ASCC1: variants seen among roughly 807,000 people sequenced by gnomAD.
ASCC1 encodes the protein ASC-1 complex subunit P50.
Under a neutral mutation model 46.6 loss-of-function variants are expected in ASCC1, and 35 were observed. The observed-to-expected ratio is 0.75, with a 90% confidence interval of 0.57 to 0.99. ASCC1 has a LOEUF of 0.99. Among genes scored for constraint, ASCC1 ranks in the 50% least tolerant of loss-of-function variants. The pLI, the probability that ASCC1 is intolerant of heterozygous loss-of-function variation, is 0.00. For missense variants in ASCC1, 376 were observed against 428.7 expected (o/e 0.88, Z 1.09); for synonymous variants, 143 against 146.6 (o/e 0.98, Z 0.18).
chr10:72,169,949 G>A (rs555482188), intron 5 of ASCC1, among the ~76,000 whole-genome samples: 2 of 152,072 alleles, frequency 1.3e-5, no homozygotes, highest in Admixed American at 6.6e-5. Flanking sequence ...GTGAAACCCC[G>A]TCTCTACTAA....
At position 72,197,464 on chromosome 10, in the gene ASCC1, T is replaced by C. The variant is rs183870306; in HGVS notation, c.311-475A>G. ...GCCTGGGCAATAGAGCAAGACTCTA[T>C]CTCAAAAAAAAAAAAAAAAAAAAAA... On this transcript the variant is annotated intron_variant, in intron 4 of 9. Transcript: ENST00000672957. Among the ~76,000 whole-genome samples, 563 of 57,432 alleles carry C rather than the reference T, an allele frequency of 9.8e-3. 2 individuals carry two copies. The highest frequency in any genetic ancestry group is 0.056 in the Middle Eastern group (3 of 54). The allele number at this position is 57,432 out of a possible 152,430, so 37.7% of individuals were successfully genotyped here.
intron 5 of ASCC1, among the ~76,000 whole-genome samples, chr10:72,175,463 T>C (rs942222070): frequency 1.3e-4 from 20 of 152,212 alleles, no homozygotes; most frequent in Non-Finnish European, 2.6e-4. Context: ...AAAGCTGACT[T>C]TGATTTGCAA....
At chr10:72,105,945 C>T (rs534737850) in intron 9 of ASCC1, among the ~76,000 whole-genome samples, 5 of 152,142 alleles carry the variant, frequency 3.3e-5, no homozygotes, top group African/African-American at 9.6e-5. Context: ...GGAGAGGGGC[C>T]TTTTCTTATA....
chr10:72,184,108 C>G (rs907949873), intron 5 of ASCC1, among the ~76,000 whole-genome samples: 15 of 151,800 alleles, frequency 9.9e-5, no homozygotes, highest in African/African-American at 3.4e-4. Flanking sequence ...TGCACCACTG[C>G]ACTCCAGCCT....
intron 4 of ASCC1, among the ~76,000 whole-genome samples, chr10:72,197,253 C>T (rs545128326): frequency 5.3e-5 from 8 of 151,848 alleles, no homozygotes; most frequent in Non-Finnish European, 8.8e-5. Context: ...AGGTGGATCA[C>T]GAGGTCAGGA....
rs1241433999 is a variant in ASCC1 at position 72,111,494 on chromosome 10, A to G, written c.958-14044T>C. Among the ~76,000 whole-genome samples the G allele has an allele frequency of 2.0e-5, 3 of 152,214 alleles. No individual in the cohort carries two copies. The East Asian group carries it at 5.8e-4, about 29-fold the overall frequency. ...AGAGCAAGACCCTATCTCAAAAAAA[A>G]AAATTCAAAGTTTTAACCTACAACT... On this transcript the variant is annotated intron_variant, in intron 9 of 9. Transcript: ENST00000672957.
At chr10:72,211,854 A>G (rs1323622662) in intron 2 of ASCC1, among the ~76,000 whole-genome samples, 2 of 152,136 alleles carry the variant, frequency 1.3e-5, no homozygotes, top group Non-Finnish European at 2.9e-5. Context: ...AAAAGTCAGT[A>G]AAATAACAAT....
In ASCC1 at chr10:72,196,795, C is replaced by T. The variant is rs56902153; in HGVS notation, c.489+16G>A. On this transcript the variant is annotated intron_variant, in intron 5 of 9. Transcript: ENST00000672957. ...TTTAACTTTTTTTTTAACCTTCTTG[C>T]TTTGTTTGCACTTACCATGGAGCAC... The T allele has an allele frequency of 0.04, 63,656 of 1,609,828 alleles. 8,394 individuals carry two copies. In the African/African-American group the frequency reaches 0.44, roughly 11 times the overall value.
chr10:72,213,648 CTGTAA>C (rs1858531548), intron 1 of ASCC1, among the ~76,000 whole-genome samples: 1 of 150,026 alleles, frequency 6.7e-6, no homozygotes. Flanking sequence ...TGGTTCACAT[CTGTAA>C]TCCCAGCACT....
intron 7 of ASCC1, among the ~76,000 whole-genome samples, chr10:72,151,938 C>A (rs1848389320): frequency 6.6e-6 from 1 of 151,608 alleles, no homozygotes; most frequent in African/African-American, 2.4e-5. Flanking sequence ...ATCCGCCCAC[C>A]TCAGTCTCCC....
At chr10:72,181,158 G>T (rs1240194114) in intron 5 of ASCC1, among the ~76,000 whole-genome samples, 2 of 152,094 alleles carry the variant, frequency 1.3e-5, no homozygotes, top group Non-Finnish European at 2.9e-5. Context: ...TGGAGACAGG[G>T]TTTTACCACG....
At chr10:72,136,324 C>T (rs1177393058) in intron 7 of ASCC1, among the ~76,000 whole-genome samples, 2 of 152,106 alleles carry the variant, frequency 1.3e-5, no homozygotes, top group Non-Finnish European at 2.9e-5. Context: ...ATTGTAAACG[C>T]ACCAATCAGC....
At chr10:72,152,845 C>CA in intron 7 of ASCC1, 24 bp downstream of exon 7, 1 of 1,613,874 alleles carries the variant, frequency 6.2e-7, no homozygotes, top group Non-Finnish European at 8.5e-7. Context: ...TTGATTGAAA[C>CA]AAAGAAGCAT....
At chr10:72,147,026 G>C (rs1198682304) in intron 7 of ASCC1, among the ~76,000 whole-genome samples, 1 of 150,928 alleles carries the variant, frequency 6.6e-6, no homozygotes, top group Non-Finnish European at 1.5e-5. Context: ...TTGCACAAAG[G>C]AGGCATTCAG....
chr10:72,096,245 G>A lies in ASCC1; in HGVS notation c.*1089C>T. 1 of 454,092 alleles carries A rather than the reference G, an allele frequency of 2.2e-6. No homozygotes were observed. Among genetic ancestry groups the A allele is most frequent in the South Asian group, 1.6e-5 (1 of 64,470 alleles). The allele number at this position is 454,092 out of a possible 1,614,324, so 28.1% of individuals were successfully genotyped here. On this transcript the variant is annotated 3_prime_UTR_variant, in exon 10 of 10. Coordinates refer to ENST00000672957, the MANE Select transcript of ASCC1 (RefSeq NM_001198800.3). Reference sequence around the variant, plus strand: ...TGTGAGGAGGCAGGGGTGGGAGGCTGGGGCTCCCCAGCATTCCCGCCTCCC... The same window carrying A: ...TGTGAGGAGGCAGGGGTGGGAGGCTAGGGCTCCCCAGCATTCCCGCCTCCC...
intron 5 of ASCC1, among the ~76,000 whole-genome samples, chr10:72,190,891 T>C (rs931511957): frequency 3.4e-5 from 5 of 146,494 alleles, no homozygotes; most frequent in Admixed American, 1.4e-4. Flanking sequence ...AGCTACTCTA[T>C]AGGCTGAGGC....
At chr10:72,215,601 A>G (rs1214719481) in intron 1 of ASCC1, among the ~76,000 whole-genome samples, 1 of 151,988 alleles carries the variant, frequency 6.6e-6, no homozygotes, top group African/African-American at 2.4e-5. Context: ...TTTCAAAGGA[A>G]AAGCTTAAAA....
At chr10:72,141,036 T>TATAGATAGATAG (rs10655614) in intron 7 of ASCC1, among the ~76,000 whole-genome samples, 4,073 of 144,228 alleles carry the variant, frequency 0.028, 85 homozygotes, top group East Asian at 0.035. Context: ...TCAAATTGTT[T>TATAGATAGATAG]ATAGATAGAT....
At chr10:72,137,075 A>T (rs1846319487) in intron 7 of ASCC1, among the ~76,000 whole-genome samples, 1 of 151,738 alleles carries the variant, frequency 6.6e-6, no homozygotes, top group South Asian at 2.1e-4. Flanking sequence ...ATGCCCAGCT[A>T]ATTTTTTTTT....
Sources: gnomAD v4.1 joint callset for allele counts (sites outside exome capture counted in the v4.1 genomes callset) on GRCh38, gnomAD v4.1.1 for gene constraint, MANE v1.5 for transcripts, NCBI Gene and HGNC (gene_info 2026-07-23, HGNC 2026-07-21) for gene names.